MTNR1B: variants seen among roughly 807,000 people sequenced by gnomAD.
MTNR1B encodes the protein melatonin receptor 1B.
A neutral mutation model predicts 7.0 loss-of-function variants in MTNR1B; 7 were observed. The observed-to-expected ratio is 1.00, with a 90% CI of 0.57 to 1.88. The LOEUF (loss-of-function observed/expected upper bound fraction) is 1.88. MTNR1B is among the 40% of genes most tolerant of loss of function. The pLI is 0.00. For missense variants in MTNR1B, 478 were observed against 486.5 expected (o/e 0.98, Z 0.16); for synonymous variants, 226 against 208.2 (o/e 1.09, Z -0.74).
intron 1 of MTNR1B, among the ~76,000 whole-genome samples, chr11:92,972,142 T>A (rs1857936816): frequency 2.6e-5 from 4 of 152,248 alleles, no homozygotes. Context: ...CACATTCTAC[T>A]CTTAATCAGG....
At position 92,969,771 on chromosome 11, in the gene MTNR1B, T is replaced by TG; in HGVS notation, c.49dup (p.Ala17GlyfsTer60). 6.6e-7 allele frequency: 1 copy of TG among 1,524,184 alleles called. No homozygotes were observed. 94.4% of individuals were successfully genotyped at this position (1,524,184 alleles called of 1,614,324 possible). On this transcript the variant is annotated frameshift_variant, in exon 1 of 2. Transcript: ENST00000257068. LOFTEE classifies it high-confidence loss of function. ...CGCCAACTGCTGCGAGGCGGGCGGG[T>TG]GGGCAGTGCGCCCGGGCTGGTCGGG...
At chr11:92,971,026 C>G (rs1278851550) in intron 1 of MTNR1B, among the ~76,000 whole-genome samples, 1 of 151,852 alleles carries the variant, frequency 6.6e-6, no homozygotes, top group Non-Finnish European at 1.5e-5. Context: ...GTGGCATGGT[C>G]TAGGCTCACT....
In MTNR1B at chr11:92,969,967, G is replaced by A. The variant is rs1259096555; in HGVS notation, c.223+19G>A. The A allele has an allele frequency of 6.3e-7, 1 of 1,590,678 alleles. No individual in the cohort carries two copies. The highest frequency in any genetic ancestry group is 8.6e-7 in the Non-Finnish European group (1 of 1,166,778). On this transcript the variant is annotated intron_variant, in intron 1 of 1. Transcript: ENST00000257068. ...AACGCAGGTGAGCACCATTCCTGAT[G>A]CTGGGTGCTGGCATCGGGCCCTTCC...
chr11:92,979,719 A>G (rs1232213670), intron 1 of MTNR1B, among the ~76,000 whole-genome samples: 1 of 152,168 alleles, frequency 6.6e-6, no homozygotes, highest in Non-Finnish European at 1.5e-5. Flanking sequence ...GAGAACTCCC[A>G]GGACTCCAGT....
At position 92,971,341 on chromosome 11, in the gene MTNR1B, CATT is replaced by C. The variant is rs548767657; in HGVS notation, c.223+1398_223+1400del. Among the ~76,000 whole-genome samples, 13 of 152,100 alleles carry C rather than the reference CATT, an allele frequency of 8.5e-5. No individual in the cohort carries two copies. In the South Asian group the frequency reaches 1.9e-3, roughly 22 times the overall value. On this transcript the variant is annotated intron_variant, in intron 1 of 1. Coordinates refer to ENST00000257068, the MANE Select transcript of MTNR1B (RefSeq NM_005959.5). ...TCCAGCCATCATATGGGAAACATAA[CATT>C]ATTAAGAAGAAGTAAACTTTCTAAC...
In MTNR1B at chr11:92,982,016, G is replaced by T; in HGVS notation, c.793G>T (p.Ala265Ser). 1 of 1,614,228 alleles carries T rather than the reference G, an allele frequency of 6.2e-7. No homozygotes were observed. Among genetic ancestry groups the T allele is most frequent in the Non-Finnish European group, 8.5e-7 (1 of 1,180,050 alleles). ...VVFVIFAICW[A>S]PLNCIGLAVA... ...GTTTGTGATCTTTGCCATCTGCTGG[G>T]CTCCACTTAACTGCATCGGCCTCGC... Residue 265 changes from alanine (A) to serine (S), a missense_variant, in exon 2 of 2, where the codon GCT (alanine) becomes TCT (serine). Physicochemically the swap from Ala to Ser is moderately conservative, Grantham distance 99. Coordinates refer to ENST00000257068, the MANE Select transcript of MTNR1B (RefSeq NM_005959.5).
At position 92,969,771 on chromosome 11, in the gene MTNR1B, T is replaced by TGGGC; in HGVS notation, c.47_50dup (p.Val18GlyfsTer60). 1 of 1,524,184 alleles carries TGGGC rather than the reference T, an allele frequency of 6.6e-7. No homozygotes were observed. Among genetic ancestry groups the TGGGC allele is most frequent in the Non-Finnish European group, 8.8e-7 (1 of 1,135,270 alleles). The allele number at this position is 1,524,184 out of a possible 1,614,324, so 94.4% of individuals were successfully genotyped here. On this transcript the variant is annotated frameshift_variant, in exon 1 of 2. Transcript: ENST00000257068. LOFTEE classifies it high-confidence loss of function. The stretch of plus-strand genomic sequence containing the variant: ...CGCCAACTGCTGCGAGGCGGGCGGG[T>TGGGC]GGGCAGTGCGCCCGGGCTGGTCGGG...
intron 1 of MTNR1B, among the ~76,000 whole-genome samples, chr11:92,978,061 C>T (rs191692756): frequency 7.9e-4 from 120 of 152,316 alleles, no homozygotes; most frequent in Middle Eastern, 3.4e-3. Flanking sequence ...TGATGATTCT[C>T]TCTTTCTATC....
intron 1 of MTNR1B, among the ~76,000 whole-genome samples, chr11:92,974,259 T>C (rs1257920715): frequency 6.6e-6 from 1 of 152,198 alleles, no homozygotes; most frequent in Non-Finnish European, 1.5e-5. Flanking sequence ...GTTCTCACAA[T>C]AGTGAATAAG....
chr11:92,975,779 C>G (rs1342099527), intron 1 of MTNR1B, among the ~76,000 whole-genome samples: 3 of 152,190 alleles, frequency 2.0e-5, no homozygotes, highest in East Asian at 1.9e-4. Flanking sequence ...CAGCCCCTAC[C>G]CTCCAAGTTA....
downstream of MTNR1B, among the ~76,000 whole-genome samples, chr11:92,983,619 A>G (rs184689023): frequency 2.0e-5 from 3 of 152,154 alleles, no homozygotes; most frequent in East Asian, 5.8e-4. Context: ...CTGCACCCCA[A>G]TTCATTTCTA....
Position 92,981,899 on chromosome 11 carries a change from CT to C in MTNR1B, c.677del (p.Leu226ArgfsTer17). On this transcript the variant is annotated frameshift_variant, in exon 2 of 2. Transcript: ENST00000257068. LOFTEE classifies it low-confidence loss of function (END_TRUNC). ...CTTCTGCTACCTGCGCATCTGGGTGCTGGTGCTTCAGGCCCGCAGGAAAGCC... is the reference window on the plus strand; with the variant it reads ...CTTCTGCTACCTGCGCATCTGGGTGCGGTGCTTCAGGCCCGCAGGAAAGCC... ...VSFCYLRIWV[L>X]VLQARRKAKP... 1 of 1,614,224 alleles carries C rather than the reference CT, an allele frequency of 6.2e-7. No individual in the cohort carries two copies. The highest frequency in any genetic ancestry group is 8.5e-7 in the Non-Finnish European group (1 of 1,180,044).
At chr11:92,971,754 C>G (rs1200620037) in intron 1 of MTNR1B, among the ~76,000 whole-genome samples, 4 of 152,146 alleles carry the variant, frequency 2.6e-5, no homozygotes, top group Non-Finnish European at 4.4e-5. Flanking sequence ...GCACCCCTCC[C>G]CTCCTGCATC....
At chr11:92,984,357 G>C (rs1187343071), downstream of MTNR1B, among the ~76,000 whole-genome samples, 1 of 152,078 alleles carries the variant, frequency 6.6e-6, no homozygotes, top group Non-Finnish European at 1.5e-5. Context: ...CTAACTGTTG[G>C]GAATGAAGAT....
Position 92,982,420 on chromosome 11 carries a change from C to A in MTNR1B, c.*108C>A. 7.5e-7 allele frequency: 1 copy of A among 1,325,476 alleles called. No homozygotes were observed. Among genetic ancestry groups the A allele is most frequent in the Non-Finnish European group, 1.0e-6 (1 of 986,542 alleles). The allele number at this position is 1,325,476 out of a possible 1,614,324, so 82.1% of individuals were successfully genotyped here. On this transcript the variant is annotated 3_prime_UTR_variant, in exon 2 of 2. Transcript: ENST00000257068. ...CTGCTGGGCCACACTGTCCTGTTGGCATCACAGCCCCAAGGCTGGGGGAAC... is the reference window on the plus strand; with the variant it reads ...CTGCTGGGCCACACTGTCCTGTTGGAATCACAGCCCCAAGGCTGGGGGAAC...
intron 1 of MTNR1B, among the ~76,000 whole-genome samples, chr11:92,975,986 C>T (rs1858004631): frequency 6.6e-6 from 1 of 152,218 alleles, no homozygotes; most frequent in Non-Finnish European, 1.5e-5. Context: ...TGCATTTCAG[C>T]TGTGAATACC....
chr11:92,974,523 G>A (rs1857981446), intron 1 of MTNR1B, among the ~76,000 whole-genome samples: 1 of 152,092 alleles, frequency 6.6e-6, no homozygotes, highest in Admixed American at 6.5e-5. Context: ...GAGTGCAATG[G>A]CATGATCTCG....
chr11:92,972,243 TA>T (rs201429572), intron 1 of MTNR1B, among the ~76,000 whole-genome samples: 1 of 152,190 alleles, frequency 6.6e-6, no homozygotes, highest in Non-Finnish European at 1.5e-5. Flanking sequence ...TCATTGGTAT[TA>T]AAAAATTAAG....
At chr11:92,980,721 A>T (rs1242738666) in intron 1 of MTNR1B, among the ~76,000 whole-genome samples, 3 of 152,202 alleles carry the variant, frequency 2.0e-5, no homozygotes, top group African/African-American at 7.2e-5. Context: ...CTGTGAGCTT[A>T]GGAGTGCTGA....
Sources: gnomAD v4.1 joint callset for allele counts (sites outside exome capture counted in the v4.1 genomes callset) on GRCh38, gnomAD v4.1.1 for gene constraint, MANE v1.5 for transcripts, NCBI Gene and HGNC (gene_info 2026-07-23, HGNC 2026-07-21) for gene names.